TCP11L2: variants seen among roughly 807,000 people sequenced by gnomAD.
TCP11L2 encodes t-complex 11 like 2, also known as T-complex protein 11-like protein 2.
In TCP11L2, 39 loss-of-function variants were observed where a neutral mutation model predicts 50.7. That is an observed-to-expected ratio of 0.77 (90% CI 0.60 to 1.01). The LOEUF is 1.01. Among genes scored for constraint, TCP11L2 ranks in the 50% least tolerant of loss-of-function variants. The pLI is 0.00. For missense variants in TCP11L2, 612 were observed against 614.7 expected, an observed-to-expected ratio of 1.00 and a Z score of 0.05; for synonymous variants, 192 against 219.3, an observed-to-expected ratio of 0.88 and a Z score of 1.10.
chr12:106,330,384 A>G, intron 6 of TCP11L2: 1 of 899,988 alleles, frequency 1.1e-6, no homozygotes, highest in Middle Eastern at 5.6e-4. Flanking sequence ...CCCCCGCCCC[A>G]CAACATTTGG....
chr12:106,313,830 A>C (rs2034958944), intron 2 of TCP11L2, among the ~76,000 whole-genome samples: 1 of 140,862 alleles, frequency 7.1e-6, no homozygotes, highest in Admixed American at 7.5e-5. Context: ...CAGTGGCACG[A>C]TCTTGGCTCA....
upstream of TCP11L2, chr12:106,302,708 T>G (rs1207026003): frequency 2.0e-5 from 3 of 152,336 alleles, no homozygotes; most frequent in African/African-American, 7.2e-5. Flanking sequence ...CCTTGCCCCG[T>G]CGCGCCGTCG....
upstream of TCP11L2, among the ~76,000 whole-genome samples, chr12:106,299,721 A>G (rs2034382505): frequency 2.0e-5 from 3 of 152,224 alleles, no homozygotes; most frequent in Non-Finnish European, 4.4e-5. Context: ...CACTGGAAGT[A>G]TTTAAATTAT....
chr12:106,314,617 G>T (rs1181401610), intron 3 of TCP11L2, 124 bp downstream of exon 3: 3 of 830,034 alleles, frequency 3.6e-6, no homozygotes, highest in African/African-American at 1.7e-5. Flanking sequence ...GAGAGAGATA[G>T]ACACATATTT....
chr12:106,345,032 C>T (rs1398728403), intron 9 of TCP11L2, among the ~76,000 whole-genome samples: 1 of 151,942 alleles, frequency 6.6e-6, no homozygotes, highest in African/African-American at 2.4e-5. Context: ...ATGGAGTCTC[C>T]CTCTGTTGCC....
intron 4 of TCP11L2, among the ~76,000 whole-genome samples, chr12:106,318,908 T>TA (rs796677378): frequency 2.0e-5 from 3 of 149,796 alleles, no homozygotes; most frequent in Non-Finnish European, 3.0e-5. Flanking sequence ...TTTTTTTTTT[T>TA]TTTTTATTTT....
At chr12:106,330,185 G>A (rs1299791090) in intron 6 of TCP11L2, 1 of 985,316 alleles carries the variant, frequency 1.0e-6, no homozygotes, top group Non-Finnish European at 1.2e-6. Context: ...CCCCAGTAGA[G>A]AATTACTGCC....
chr12:106,340,485 A>G (rs1012543524), intron 8 of TCP11L2, among the ~76,000 whole-genome samples: 2 of 152,366 alleles, frequency 1.3e-5, no homozygotes, highest in Non-Finnish European at 2.9e-5. Flanking sequence ...ATCCACTCAG[A>G]CCAACAAGTT....
intron 9 of TCP11L2, among the ~76,000 whole-genome samples, chr12:106,341,673 A>G (rs1482550442): frequency 6.6e-6 from 1 of 152,202 alleles, no homozygotes; most frequent in East Asian, 1.9e-4. Context: ...TCCCGCCTCC[A>G]GCTCTCAACA....
intron 6 of TCP11L2, chr12:106,329,323 T>C: frequency 2.0e-6 from 3 of 1,536,046 alleles, no homozygotes; most frequent in Non-Finnish European, 2.6e-6. Context: ...CTTAATCCTG[T>C]CCCCAGGAAA....
At chr12:106,333,880 C>T (rs1314724758) in intron 6 of TCP11L2, among the ~76,000 whole-genome samples, 3 of 152,094 alleles carry the variant, frequency 2.0e-5, no homozygotes, top group East Asian at 1.9e-4. Flanking sequence ...TAATGACTCT[C>T]CTCCCACTTG....
rs1024181670 is a variant in TCP11L2 at position 106,321,613 on chromosome 12, A to G, written c.542A>G (p.Tyr181Cys). ...SAVDIQGLAN[Y>C]VISTMGKLCA... ...GTTGACATCCAAGGCCTGGCCAACTATGTCATCAGTACGATGGGAAAGCTG... is the reference window on the plus strand; with the variant it reads ...GTTGACATCCAAGGCCTGGCCAACTGTGTCATCAGTACGATGGGAAAGCTG... Residue 181 changes from tyrosine to cysteine, a missense_variant, in exon 5 of 10, where the codon TAT becomes TGT. Coordinates refer to ENST00000299045, the MANE Select transcript of TCP11L2 (RefSeq NM_152772.3). The G allele has an allele frequency of 1.2e-6, 2 of 1,614,062 alleles. No individual in the cohort carries two copies. Among genetic ancestry groups the G allele is most frequent in the African/African-American group, 2.7e-5 (2 of 74,918 alleles).
chr12:106,340,242 T>G (rs1439333375), intron 8 of TCP11L2, among the ~76,000 whole-genome samples: 1 of 152,250 alleles, frequency 6.6e-6, no homozygotes. Flanking sequence ...AACTCACTCT[T>G]TAATTACCTT....
chr12:106,311,041 G>GTGC lies in TCP11L2; in HGVS notation c.-33_-31dup. 3 of 1,609,950 alleles carry GTGC rather than the reference G, an allele frequency of 1.9e-6. No homozygotes were observed. Among genetic ancestry groups the GTGC allele is most frequent in the Non-Finnish European group, 2.5e-6 (3 of 1,177,722 alleles). On this transcript the variant is annotated splice_region_variant and 5_prime_UTR_variant, in exon 2 of 10. Transcript: ENST00000299045. Reference sequence around the variant, plus strand: ...ACGCAGGGTCTGTTTGTCTGTGCAGGTGCTACCTTTTTACCCACACTTAAG... The same window carrying GTGC: ...ACGCAGGGTCTGTTTGTCTGTGCAGGTGCTGCTACCTTTTTACCCACACTTAAG...
chr12:106,299,049 C>T (rs969468171), upstream of TCP11L2, among the ~76,000 whole-genome samples: 4 of 152,248 alleles, frequency 2.6e-5, no homozygotes, highest in South Asian at 6.2e-4. Flanking sequence ...CTCATGACTT[C>T]AGGTGATCCA....
chr12:106,302,657 T>G (rs1285124349), upstream of TCP11L2: 1 of 151,916 alleles, frequency 6.6e-6, no homozygotes, highest in Non-Finnish European at 1.5e-5. Flanking sequence ...AGGTTCAGTC[T>G]GTGAGCGCTC....
At chr12:106,323,794 G>A (rs985987111) in intron 6 of TCP11L2, 148 bp downstream of exon 6, 9 of 417,394 alleles carry the variant, frequency 2.2e-5, no homozygotes, top group Non-Finnish European at 3.3e-5. Context: ...AATTTAAAAT[G>A]TTAAAGGTTA....
chr12:106,327,242 G>T (rs1243525722), intron 6 of TCP11L2, among the ~76,000 whole-genome samples: 7 of 151,930 alleles, frequency 4.6e-5, no homozygotes, highest in Non-Finnish European at 1.0e-4. Flanking sequence ...TGCCCAGGCT[G>T]GGGTGCAGTG....
intron 6 of TCP11L2, among the ~76,000 whole-genome samples, chr12:106,327,145 A>G (rs1238935557): frequency 6.6e-6 from 1 of 152,010 alleles, no homozygotes; most frequent in Non-Finnish European, 1.5e-5. Context: ...TTCATCTCAA[A>G]TTATTTGCCT....
Sources: gnomAD v4.1 joint callset for allele counts (sites outside exome capture counted in the v4.1 genomes callset) on GRCh38, gnomAD v4.1.1 for gene constraint, MANE v1.5 for transcripts, NCBI Gene and HGNC (gene_info 2026-07-23, HGNC 2026-07-21) for gene names.